MAPK10: variants seen among roughly 807,000 people sequenced by gnomAD.
MAPK10 encodes mitogen-activated protein kinase 10, also known as JNK3 alpha protein kinase.
Under a neutral mutation model 59.3 loss-of-function variants are expected in MAPK10, and 25 were observed. That is an observed-to-expected ratio of 0.42 (90% CI 0.31 to 0.59). MAPK10 has a LOEUF of 0.59. Ranked by LOEUF, MAPK10 falls within the 20% of genes least tolerant of loss-of-function variation. The pLI is 0.15. For synonymous variants in MAPK10, 190 were observed against 200.5 expected, an observed-to-expected ratio of 0.95 and a Z score of 0.44; for missense variants, 351 against 568.9, an observed-to-expected ratio of 0.62 and a Z score of 3.90.
intron 1 of MAPK10, among the ~76,000 whole-genome samples, chr4:86,425,952 C>A (rs868061260): frequency 2.0e-5 from 3 of 152,186 alleles, no homozygotes; most frequent in Non-Finnish European, 4.4e-5. Context: ...GCCTGGGCGA[C>A]AGAGAGAGAC....
chr4:86,256,769 C>A (rs925498246), intron 2 of MAPK10, among the ~76,000 whole-genome samples: 4 of 109,284 alleles, frequency 3.7e-5, no homozygotes, highest in East Asian at 3.0e-4. Flanking sequence ...GAGACAGAGT[C>A]TCTCTCTGTC....
chr4:86,583,464 C>T (rs894243232), intron 1 of MAPK10, among the ~76,000 whole-genome samples: 1 of 152,002 alleles, frequency 6.6e-6, no homozygotes, highest in African/African-American at 2.4e-5. Context: ...TGAAAGAATA[C>T]TAGAGAGAAG....
intron 1 of MAPK10, among the ~76,000 whole-genome samples, chr4:86,427,440 C>T (rs1747448273): frequency 6.6e-6 from 1 of 152,072 alleles, no homozygotes; most frequent in African/African-American, 2.4e-5. Context: ...TGAAACCCCA[C>T]TCATATCTCC....
chr4:86,349,328 T>G (rs1174790452), intron 2 of MAPK10, among the ~76,000 whole-genome samples: 1 of 152,238 alleles, frequency 6.6e-6, no homozygotes, highest in African/African-American at 2.4e-5. Context: ...TGTGTTTTTT[T>G]CTTCATGTGT....
chr4:86,264,778 G>C (rs1001520495), intron 2 of MAPK10, among the ~76,000 whole-genome samples: 2 of 151,860 alleles, frequency 1.3e-5, no homozygotes, highest in African/African-American at 4.8e-5. Flanking sequence ...ATTCACATTT[G>C]TGCCTAAGAC....
At chr4:86,195,452 G>A (rs1030891220) in intron 2 of MAPK10, among the ~76,000 whole-genome samples, 8 of 152,160 alleles carry the variant, frequency 5.3e-5, no homozygotes, top group African/African-American at 1.9e-4. Context: ...GGCATGAAAA[G>A]TTCTGAGAAG....
At chr4:86,428,708 C>A (rs1747637994) in intron 1 of MAPK10, among the ~76,000 whole-genome samples, 1 of 152,144 alleles carries the variant, frequency 6.6e-6, no homozygotes, top group African/African-American at 2.4e-5. Flanking sequence ...AGTCCTTCCA[C>A]AATGTAAGGC....
intron 1 of MAPK10, among the ~76,000 whole-genome samples, chr4:86,445,385 C>T (rs1466801690): frequency 6.6e-6 from 1 of 152,058 alleles, no homozygotes; most frequent in Non-Finnish European, 1.5e-5. Flanking sequence ...CACATGGACA[C>T]AGGGAGGGGA....
intron 1 of MAPK10, among the ~76,000 whole-genome samples, chr4:86,365,152 T>C (rs529916311): frequency 1.3e-5 from 2 of 152,038 alleles, no homozygotes; most frequent in Non-Finnish European, 2.9e-5. Flanking sequence ...TTTGTGAATA[T>C]GTAACATCTC....
chr4:86,385,105 T>G (rs2149004164), intron 1 of MAPK10, among the ~76,000 whole-genome samples: 1 of 152,206 alleles, frequency 6.6e-6, no homozygotes, highest in East Asian at 1.9e-4. Flanking sequence ...TTTTTCATAC[T>G]TTGCCCTTCA....
intron 2 of MAPK10, among the ~76,000 whole-genome samples, chr4:86,222,719 C>T (rs953756805): frequency 6.6e-6 from 1 of 152,208 alleles, no homozygotes; most frequent in Non-Finnish European, 1.5e-5. Context: ...AAGTGGAAGT[C>T]CATTTTGTTC....
Position 86,295,997 on chromosome 4 carries a change from G to A in MAPK10, c.-7+58533C>T, listed in dbSNP as rs191156862. ...TTGAGTCCGACCTGGCCAACATGGT[G>A]AAACCCTGTCTTTACTGAAAATATA... On this transcript the variant is annotated intron_variant, in intron 2 of 13. Transcript: ENST00000641462. Among the ~76,000 whole-genome samples, 1,509 of 151,140 alleles carry A rather than the reference G, an allele frequency of 1.0e-2. 16 individuals carry two copies. Among genetic ancestry groups the A allele is most frequent in the African/African-American group, 0.027 (1,114 of 41,324 alleles).
chr4:86,048,065 T>C (rs186265960), intron 11 of MAPK10, among the ~76,000 whole-genome samples: 94 of 152,172 alleles, frequency 6.2e-4, no homozygotes, highest in African/African-American at 2.1e-3. Context: ...CTAGAGTTTT[T>C]ATGAGGCTTA....
At chr4:86,337,915 C>G (rs953281475) in intron 2 of MAPK10, among the ~76,000 whole-genome samples, 1 of 152,168 alleles carries the variant, frequency 6.6e-6, no homozygotes, top group Non-Finnish European at 1.5e-5. Context: ...GCTAATTGCT[C>G]AAATTCCAAT....
At chr4:86,165,406 C>A (rs1178533176) in intron 3 of MAPK10, among the ~76,000 whole-genome samples, 1 of 152,032 alleles carries the variant, frequency 6.6e-6, no homozygotes, top group Non-Finnish European at 1.5e-5. Flanking sequence ...GAAACAGGGT[C>A]TCGCTCTGTC....
At chr4:86,322,992 T>C (rs2095934914) in intron 2 of MAPK10, among the ~76,000 whole-genome samples, 1 of 152,126 alleles carries the variant, frequency 6.6e-6, no homozygotes, top group Non-Finnish European at 1.5e-5. Context: ...CTGGCCAACA[T>C]AGTGAAACCC....
intron 7 of MAPK10, chr4:86,101,471 A>C: frequency 2.3e-6 from 1 of 432,774 alleles, no homozygotes; most frequent in Non-Finnish European, 4.2e-6. Context: ...TTTAGAAAAA[A>C]AAATATTTAT....
intron 1 of MAPK10, among the ~76,000 whole-genome samples, chr4:86,376,116 T>G: frequency 6.6e-6 from 1 of 152,212 alleles, no homozygotes; most frequent in Non-Finnish European, 1.5e-5. Flanking sequence ...CATCACTTGC[T>G]TCTAACATAA....
chr4:86,472,140 TTC>T (rs1018976322), intron 1 of MAPK10, among the ~76,000 whole-genome samples: 4 of 152,230 alleles, frequency 2.6e-5, no homozygotes, highest in African/African-American at 7.2e-5. Flanking sequence ...TTAAAGAGTT[TTC>T]TGTTTGAAAA....
Sources: gnomAD v4.1 joint callset for allele counts (sites outside exome capture counted in the v4.1 genomes callset) on GRCh38, gnomAD v4.1.1 for gene constraint, MANE v1.5 for transcripts, NCBI Gene and HGNC (gene_info 2026-07-23, HGNC 2026-07-21) for gene names.